DNAJC7: variants seen among roughly 807,000 people sequenced by gnomAD.
The protein encoded by DNAJC7 is DnaJ heat shock protein family (Hsp40) member C7.
Under a neutral mutation model 67.4 loss-of-function variants are expected in DNAJC7, and 18 were observed. That is an observed-to-expected ratio of 0.27 (90% CI 0.18 to 0.40). The LOEUF (loss-of-function observed/expected upper bound fraction) is 0.40, where lower values mean the gene tolerates loss of function less well. Ranked by LOEUF, DNAJC7 falls within the 10% of genes least tolerant of loss-of-function variation. The pLI is 1.00. For synonymous variants in DNAJC7, 220 were observed against 207.8 expected (o/e 1.06, Z -0.50); for missense variants, 419 against 613.8 (o/e 0.68, Z 3.35).
intron 9 of DNAJC7, chr17:41,986,047 T>TAAACAAAAAA (rs2051366091): frequency 3.1e-5 from 1 of 32,550 alleles, no homozygotes; most frequent in Non-Finnish European, 5.3e-5. Context: ...GGGGCTTGCT[T>TAAACAAAAAA]AAAAAAAAAA....
intron 4 of DNAJC7, 36 bp downstream of exon 4, chr17:41,996,275 C>T (rs2051655538): frequency 1.2e-6 from 2 of 1,602,340 alleles, no homozygotes; most frequent in Non-Finnish European, 1.7e-6. Flanking sequence ...ATATACCATA[C>T]TGCCTCTTTT....
intron 2 of DNAJC7, among the ~76,000 whole-genome samples, chr17:41,999,268 G>A (rs2051743088): frequency 6.6e-6 from 1 of 151,538 alleles, no homozygotes; most frequent in African/African-American, 2.4e-5. Flanking sequence ...TTAGAGACAG[G>A]GTTTCACCAT....
At chr17:41,997,673 C>T (rs1021060520) in intron 2 of DNAJC7, among the ~76,000 whole-genome samples, 8 of 152,118 alleles carry the variant, frequency 5.3e-5, no homozygotes, top group Non-Finnish European at 8.8e-5. Flanking sequence ...CTATCTGTAA[C>T]GCTCATAAAC....
chr17:41,979,079 C>T (rs1398381601), intron 12 of DNAJC7, among the ~76,000 whole-genome samples: 1 of 152,224 alleles, frequency 6.6e-6, no homozygotes, highest in Non-Finnish European at 1.5e-5. Flanking sequence ...TGGCTCACGC[C>T]TGTCATCCCA....
At chr17:41,978,396 A>G (rs1598112220) in intron 12 of DNAJC7, among the ~76,000 whole-genome samples, 1 of 151,688 alleles carries the variant, frequency 6.6e-6, no homozygotes, top group Non-Finnish European at 1.5e-5. Flanking sequence ...ATAGCAACCA[A>G]CTCCTGCTGA....
chr17:41,992,567 AG>A, intron 5 of DNAJC7: 1 of 152,298 alleles, frequency 6.6e-6, no homozygotes, highest in South Asian at 2.1e-4. Context: ...AAAAGGAATG[AG>A]GGGGCAGGAA....
At chr17:41,983,717 G>A in intron 9 of DNAJC7, 81 bp from the exon 10 acceptor site, 1 of 1,264,232 alleles carries the variant, frequency 7.9e-7, no homozygotes, top group Non-Finnish European at 1.1e-6. Flanking sequence ...CAAGAGGCAT[G>A]GCTCAAGCAA....
chr17:41,977,231 G>C (rs376895187), intron 13 of DNAJC7, 30 bp downstream of exon 13: 19 of 1,567,030 alleles, frequency 1.2e-5, no homozygotes, highest in African/African-American at 8.1e-5. Flanking sequence ...TTGTGATCTG[G>C]GAACTCCCAA....
In DNAJC7 at chr17:41,997,126, T is replaced by A. The variant is rs782374330; in HGVS notation, c.280A>T (p.Ser94Cys). ...DAQQSVRLDD[S>C]FVRGHLREGK... ...CATTACATACATACCCGGACAAAAC[T>A]GTCATCCAACCTCACTGACTGTTGT... Residue 94 changes from serine to cysteine, a missense_variant, in exon 3 of 14, where the codon AGT becomes TGT. By Grantham distance (112) the Ser-to-Cys change is moderately radical. Coordinates refer to ENST00000457167, the MANE Select transcript of DNAJC7 (RefSeq NM_003315.4). 1.2e-6 allele frequency: 2 copies of A among 1,613,932 alleles called. No homozygotes were observed. Among genetic ancestry groups the A allele is most frequent in the Admixed American group, 1.7e-5 (1 of 60,012 alleles).
At chr17:41,978,350 G>A (rs571989409) in intron 12 of DNAJC7, among the ~76,000 whole-genome samples, 2 of 152,262 alleles carry the variant, frequency 1.3e-5, no homozygotes, top group African/African-American at 4.8e-5. Flanking sequence ...ATGACCCCGA[G>A]TCAGCTATGC....
intron 13 of DNAJC7, chr17:41,976,979 T>TATATA: frequency 1.5e-6 from 1 of 650,954 alleles, no homozygotes; most frequent in Admixed American, 3.0e-5. Context: ...CAGCATTATC[T>TATATA]ATATAGTACC....
intron 10 of DNAJC7, among the ~76,000 whole-genome samples, chr17:41,983,352 G>C (rs908263376): frequency 6.6e-6 from 1 of 152,114 alleles, no homozygotes. Flanking sequence ...TCCAACTCCT[G>C]ATCTCAGGTG....
chr17:42,011,420 G>C (rs1235159436), intron 1 of DNAJC7: 2 of 152,094 alleles, frequency 1.3e-5, no homozygotes, highest in East Asian at 1.9e-4. Flanking sequence ...TGTTTCTCTG[G>C]CACTAGTTAA....
Position 42,010,241 on chromosome 17 carries a change from T to C in DNAJC7, c.77+7099A>G, listed in dbSNP as rs1029909313. 8.0e-5 allele frequency among the ~76,000 whole-genome samples: 12 copies of C among 149,380 alleles called. 3 individuals are homozygous for C. In the Admixed American group the frequency reaches 8.2e-4, roughly 10 times the overall value. On this transcript the variant is annotated intron_variant, in intron 1 of 13. Coordinates refer to ENST00000457167, the MANE Select transcript of DNAJC7 (RefSeq NM_003315.4). ...GCTCACGCCTATAATCCCAGCACTT[T>C]GGGAGGCCAAGGCGGGTGGATCACC...
At chr17:42,000,400 T>G in intron 2 of DNAJC7, 82 bp downstream of exon 2, 1 of 1,027,156 alleles carries the variant, frequency 9.7e-7, no homozygotes, top group Non-Finnish European at 1.4e-6. Flanking sequence ...ATTACAGGCG[T>G]GAGCCACCAG....
chr17:41,996,444 G>T lies in DNAJC7; in HGVS notation c.292-20C>A. The T allele has an allele frequency of 6.3e-7, 1 of 1,598,560 alleles. No homozygotes were observed. Among genetic ancestry groups the T allele is most frequent in the Non-Finnish European group, 8.5e-7 (1 of 1,172,354 alleles). On this transcript the variant is annotated intron_variant, in intron 3 of 13. Coordinates refer to ENST00000457167, the MANE Select transcript of DNAJC7 (RefSeq NM_003315.4). ...ATGTCCCTAAAAGAACACCAAGAGG[G>T]AAGAAAAGAAGCATGATTGGCCAAG...
At chr17:42,012,734 T>A (rs1371815919) in intron 1 of DNAJC7, among the ~76,000 whole-genome samples, 1 of 152,176 alleles carries the variant, frequency 6.6e-6, no homozygotes, top group Non-Finnish European at 1.5e-5. Context: ...CAAAGAGAAA[T>A]AATCTTCATG....
At chr17:41,998,296 C>T (rs1471179649) in intron 2 of DNAJC7, among the ~76,000 whole-genome samples, 9 of 152,062 alleles carry the variant, frequency 5.9e-5, no homozygotes, top group Non-Finnish European at 1.2e-4. Context: ...CATGGCAAAA[C>T]GCTGTCTCTG....
At chr17:41,987,570 C>T in intron 9 of DNAJC7, 1 of 463,216 alleles carries the variant, frequency 2.2e-6, no homozygotes, top group Non-Finnish European at 3.8e-6. Context: ...GAATTTGGGT[C>T]AGGCATCAGA....
Sources: gnomAD v4.1 joint callset for allele counts (sites outside exome capture counted in the v4.1 genomes callset) on GRCh38, gnomAD v4.1.1 for gene constraint, MANE v1.5 for transcripts, NCBI Gene and HGNC (gene_info 2026-07-23, HGNC 2026-07-21) for gene names.